The following FZD6 variants were observed in gnomAD, a reference collection of about 807,000 sequenced individuals.
The protein encoded by FZD6 is frizzled class receptor 6, also known as frizzled-6.
In FZD6, 49 loss-of-function variants were observed where a neutral mutation model predicts 61.4. The observed-to-expected ratio is 0.80, with a 90% confidence interval of 0.63 to 1.01. The LOEUF is 1.01. FZD6 is among the 50% of genes least tolerant of loss of function. The pLI is 0.00. For synonymous variants in FZD6, 265 were observed against 292.2 expected, an observed-to-expected ratio of 0.91 and a Z score of 0.95; for missense variants, 724 against 848.2, an observed-to-expected ratio of 0.85 and a Z score of 1.82.
Position 103,327,553 on chromosome 8 carries a change from G to A in FZD6, c.1393-715G>A, listed in dbSNP as rs141541459. ...GGAGGTTGTAGTGAGCTGAGATCACGCCACTGCACTCCAGCCTGGGTGACA... is the reference window on the plus strand; with the variant it reads ...GGAGGTTGTAGTGAGCTGAGATCACACCACTGCACTCCAGCCTGGGTGACA... On this transcript the variant is annotated intron_variant, in intron 4 of 6. Transcript: ENST00000358755. Among the ~76,000 whole-genome samples the A allele has an allele frequency of 9.2e-5, 14 of 152,194 alleles. No homozygotes were observed. In the South Asian group the frequency reaches 2.5e-3, roughly 27 times the overall value.
At chr8:103,300,707 C>T (rs1347398960) in intron 2 of FZD6, among the ~76,000 whole-genome samples, 2 of 152,110 alleles carry the variant, frequency 1.3e-5, no homozygotes, top group African/African-American at 2.4e-5. Context: ...TCACTTGGTA[C>T]AGTTTTTCTG....
intron 3 of FZD6, among the ~76,000 whole-genome samples, chr8:103,321,171 T>C (rs1037642369): frequency 4.6e-5 from 7 of 152,230 alleles, no homozygotes; most frequent in Non-Finnish European, 1.0e-4. Flanking sequence ...GTTTTGGTCT[T>C]CGTAACTTGA....
At chr8:103,320,815 G>A (rs1814765167) in intron 3 of FZD6, among the ~76,000 whole-genome samples, 1 of 152,126 alleles carries the variant, frequency 6.6e-6, no homozygotes, top group Non-Finnish European at 1.5e-5. Flanking sequence ...AGTGTGGATA[G>A]CTTATTCTTG....
chr8:103,318,780 G>A lies in FZD6; in HGVS notation c.368G>A (p.Cys123Tyr). Reference protein sequence around the residue: ...FGIRWPEELECDRLQYCDETV... With the variant: ...FGIRWPEELEYDRLQYCDETV... ...ATCCGATGGCCTGAGGAGCTTGAAT[G>A]TGACAGGTAAACAATGTTTTTCATG... is the stretch of plus-strand genomic sequence containing the variant. The change falls in exon 3 of 7, where the codon TGT (cysteine) becomes TAT (tyrosine). Residue 123 changes from cysteine (C) to tyrosine (Y), a missense_variant. By Grantham distance (194) the Cys-to-Tyr change is radical (BLOSUM62 -2). Coordinates refer to ENST00000358755, the MANE Select transcript of FZD6 (RefSeq NM_003506.4). The A allele has an allele frequency of 6.3e-7, 1 of 1,583,176 alleles. No individual in the cohort carries two copies. Among genetic ancestry groups the A allele is most frequent in the South Asian group, 1.1e-5 (1 of 90,400 alleles).
intron 2 of FZD6, among the ~76,000 whole-genome samples, chr8:103,309,654 C>T (rs1409892013): frequency 1.3e-5 from 2 of 152,274 alleles, no homozygotes; most frequent in East Asian, 1.9e-4. Flanking sequence ...TTGCTAAATA[C>T]AGCTATTTTA....
At chr8:103,299,915 A>G (rs559803467) in intron 1 of FZD6, 41 bp from the exon 2 acceptor site, 1 of 555,994 alleles carries the variant, frequency 1.8e-6, no homozygotes, top group Non-Finnish European at 3.2e-6. Context: ...ATTTGAGTTT[A>G]TGACAAATGT....
rs190850985 is a variant in FZD6 at position 103,299,470 on chromosome 8, G to A, written c.-153+475G>A. 1.1e-4 allele frequency among the ~76,000 whole-genome samples: 16 copies of A among 152,292 alleles called. No homozygotes were observed. In the East Asian group the frequency reaches 3.1e-3, roughly 29 times the overall value. ...GAGGAATCCTAAAAGTCTCCCTCTA[G>A]TTGGCCTTACGAAAATCGAGAAAAC... On this transcript the variant is annotated intron_variant, in intron 1 of 6. Transcript: ENST00000358755.
At chr8:103,310,543 G>T (rs1429129148) in intron 2 of FZD6, among the ~76,000 whole-genome samples, 1 of 152,104 alleles carries the variant, frequency 6.6e-6, no homozygotes, top group African/African-American at 2.4e-5. Context: ...GAGATTACAG[G>T]TGTGAGCCAC....
intron 3 of FZD6, among the ~76,000 whole-genome samples, chr8:103,322,558 A>T (rs1814822357): frequency 6.6e-6 from 1 of 152,218 alleles, no homozygotes; most frequent in South Asian, 2.1e-4. Context: ...GAATGTATCC[A>T]TTCACTGACC....
chr8:103,317,330 G>C (rs1429394535), intron 2 of FZD6, among the ~76,000 whole-genome samples: 1 of 152,258 alleles, frequency 6.6e-6, no homozygotes, highest in Non-Finnish European at 1.5e-5. Context: ...AGGCTCATGG[G>C]AATTGGAAAA....
rs148561170 is a variant in FZD6 at position 103,300,563 on chromosome 8, T to G, written c.177+279T>G. On this transcript the variant is annotated intron_variant, in intron 2 of 6. Transcript: ENST00000358755. ...ACCTTGTACCTAGAAAATATTTTGC[T>G]TTCCTGAATCAAGTATGATAGTTCT... 5.0e-3 allele frequency among the ~76,000 whole-genome samples: 755 copies of G among 152,304 alleles called. 4 individuals are homozygous for G. Among genetic ancestry groups the G allele is most frequent in the African/African-American group, 0.017 (716 of 41,554 alleles).
At chr8:103,302,260 A>T (rs865462) in intron 2 of FZD6, among the ~76,000 whole-genome samples, 78,670 of 151,990 alleles carry the variant, frequency 0.52, 21,231 homozygotes, top group African/African-American at 0.67. Context: ...CTATTTATCC[A>T]TATACAGTAG....
intron 4 of FZD6, 148 bp downstream of exon 4, chr8:103,325,646 C>G: frequency 1.4e-6 from 1 of 707,908 alleles, no homozygotes; most frequent in South Asian, 1.6e-5. Flanking sequence ...TCAACTGAAA[C>G]TGGGATGAAT....
At chr8:103,302,094 G>A (rs1040381742) in intron 2 of FZD6, among the ~76,000 whole-genome samples, 1 of 151,816 alleles carries the variant, frequency 6.6e-6, no homozygotes, top group African/African-American at 2.4e-5. Context: ...AAAGAAGAGA[G>A]CCATCAAGCA....
At chr8:103,317,230 T>TAGAAGTCC (rs1462682483) in intron 2 of FZD6, among the ~76,000 whole-genome samples, 1 of 152,034 alleles carries the variant, frequency 6.6e-6, no homozygotes, top group Non-Finnish European at 1.5e-5. Flanking sequence ...CTATAAGAAG[T>TAGAAGTCC]AGAAGTCCAG....
At position 103,324,837 on chromosome 8, in the gene FZD6, T is replaced by C. The variant is rs1453378750; in HGVS notation, c.731T>C (p.Val244Ala). The C allele has an allele frequency of 6.2e-7, 1 of 1,613,720 alleles. No homozygotes were observed. Among genetic ancestry groups the C allele is most frequent in the South Asian group, 1.1e-5 (1 of 91,080 alleles). Reference sequence around the variant, plus strand: ...TATTACTCTGTCTGTTACAGCATTGTATCTCTTATGTACTTCATTGGATTT... The same window carrying C: ...TATTACTCTGTCTGTTACAGCATTGCATCTCTTATGTACTTCATTGGATTT... ...IIYYSVCYSI[V>A]SLMYFIGFLL... Residue 244 changes from valine (V) to alanine (A), a missense_variant, in exon 4 of 7, where the codon GTA becomes GCA. By Grantham distance (64) the Val-to-Ala change is moderately conservative. Coordinates refer to ENST00000358755, the MANE Select transcript of FZD6 (RefSeq NM_003506.4).
rs146059325 is a variant in FZD6, at chr8:103,325,229, C to T, written c.1123C>T (p.Leu375=). The T allele has an allele frequency of 2.3e-4, 368 of 1,614,184 alleles. No homozygotes were observed. Among genetic ancestry groups the T allele is most frequent in the Middle Eastern group, 8.2e-4 (5 of 6,062 alleles). The change falls in exon 4 of 7, where the codon CTG becomes TTG. Residue 375 remains leucine, a synonymous_variant. Coordinates refer to ENST00000358755, the MANE Select transcript of FZD6 (RefSeq NM_003506.4). ...TTCTCGCTACTTTGTACTCTTGCCACTGTGCCTTTGTGTGTTTGTTGGGCT... is the reference window on the plus strand; with the variant it reads ...TTCTCGCTACTTTGTACTCTTGCCATTGTGCCTTTGTGTGTTTGTTGGGCT... ...DASRYFVLLP[L]CLCVFVGLSL...
chr8:103,331,255 C>A, intron 6 of FZD6, 86 bp from the exon 7 acceptor site: 2 of 880,704 alleles, frequency 2.3e-6, no homozygotes, highest in Non-Finnish European at 3.9e-6. Flanking sequence ...TAAAGGTGGA[C>A]ACTGGTTAGG....
At chr8:103,323,706 T>C (rs542357726) in intron 3 of FZD6, among the ~76,000 whole-genome samples, 43 of 152,286 alleles carry the variant, frequency 2.8e-4, no homozygotes, top group African/African-American at 9.4e-4. Context: ...GCTGGAATTA[T>C]AGGCATGAGC....
Sources: allele counts gnomAD v4.1 joint callset (sites outside exome capture counted in the v4.1 genomes callset), GRCh38; gene constraint gnomAD v4.1.1; transcripts MANE v1.5; gene names NCBI Gene and HGNC (gene_info 2026-07-23, HGNC 2026-07-21).